PDE1A: variants seen among roughly 807,000 people sequenced by gnomAD.
The protein encoded by PDE1A is phosphodiesterase 1A, also known as dual specificity calcium/calmodulin-dependent 3',5'-cyclic nucleotide phosphodiesterase 1A.
A neutral mutation model predicts 61.7 loss-of-function variants in PDE1A; 35 were observed. That is an observed-to-expected ratio of 0.57 (90% CI 0.43 to 0.75). The LOEUF is 0.75. Ranked by LOEUF, PDE1A falls within the 30% of genes least tolerant of loss-of-function variation. PDE1A has a pLI of 0.00. For missense variants in PDE1A, 597 were observed against 630.6 expected (o/e 0.95, Z 0.57); for synonymous variants, 232 against 213.2 (o/e 1.09, Z -0.77).
At chr2:182,206,866 A>G (rs936405724) in intron 7 of PDE1A, among the ~76,000 whole-genome samples, 1 of 152,114 alleles carries the variant, frequency 6.6e-6, no homozygotes, top group African/African-American at 2.4e-5. Context: ...TCCTGCCACC[A>G]TGTGAAGATG....
chr2:182,218,668 C>G (rs139599517), intron 7 of PDE1A, among the ~76,000 whole-genome samples: 35 of 152,036 alleles, frequency 2.3e-4, no homozygotes, highest in Non-Finnish European at 4.7e-4. Flanking sequence ...ATATCATAAA[C>G]GTGGGTTGGA....
At chr2:182,529,165 T>C in the PDE1A span, among the ~76,000 whole-genome samples, 3 of 152,148 alleles carry the variant, frequency 2.0e-5, no homozygotes, top group East Asian at 5.8e-4. Flanking sequence ...TCAATGCCAG[T>C]GCATGAAAGC....
chr2:182,714,614 G>A, the PDE1A span, among the ~76,000 whole-genome samples: 1 of 151,742 alleles, frequency 6.6e-6, no homozygotes, highest in African/African-American at 2.4e-5. Flanking sequence ...ACCCAGGCTG[G>A]TGTGCAGTGG....
chr2:182,210,233 T>A (rs1468589611), intron 7 of PDE1A, among the ~76,000 whole-genome samples: 1 of 152,238 alleles, frequency 6.6e-6, no homozygotes, highest in Non-Finnish European at 1.5e-5. Context: ...TCTTCCAAAA[T>A]GGCTATACCA....
chr2:182,566,743 T>C, the PDE1A span, among the ~76,000 whole-genome samples: 1 of 152,236 alleles, frequency 6.6e-6, no homozygotes, highest in African/African-American at 2.4e-5. Context: ...CCAAGTTTTC[T>C]TTCCTTCCTT....
At chr2:182,506,584 T>C (rs955746578) in intron 2 of PDE1A, among the ~76,000 whole-genome samples, 2 of 152,262 alleles carry the variant, frequency 1.3e-5, no homozygotes, top group Non-Finnish European at 2.9e-5. Context: ...TCAGAGCTTA[T>C]GAATGTAAAA....
Position 182,508,779 on chromosome 2 carries a change from TTTTTA to T in PDE1A, c.101+13492_101+13496del, listed in dbSNP as rs543731232. On this transcript the variant is annotated intron_variant, in intron 2 of 14. Transcript: ENST00000410103. ...TTTATTTTTTAAAGCTTGTTGATTA[TTTTTA>T]TTTTATTTTATTTTATTTTATTTTT... Among the ~76,000 whole-genome samples the T allele has an allele frequency of 1.3e-3, 190 of 149,174 alleles. 1 individual carries two copies. The highest frequency in any genetic ancestry group is 6.3e-3 in the Admixed American group (95 of 15,084).
In PDE1A at chr2:182,502,332, GTT is replaced by G. The variant is rs554148104; in HGVS notation, c.101+19942_101+19943del. 1.7e-4 allele frequency among the ~76,000 whole-genome samples: 26 copies of G among 151,820 alleles called. No individual in the cohort carries two copies. The South Asian group carries it at 3.1e-3, about 18-fold the overall frequency. On this transcript the variant is annotated intron_variant, in intron 2 of 14. Transcript: ENST00000410103. ...CTCTTTCGTGTGTGTGTGTGTGTGT[GTT>G]TGTGTGTGTGTCTGTGTGTCTGTGT...
At chr2:182,408,209 A>G (rs1277219477) in intron 1 of PDE1A, among the ~76,000 whole-genome samples, 1 of 147,506 alleles carries the variant, frequency 6.8e-6, no homozygotes, top group African/African-American at 2.5e-5. Flanking sequence ...AGCAGTGGCT[A>G]CCTAAATCCC....
intron 2 of PDE1A, among the ~76,000 whole-genome samples, chr2:182,480,994 G>A (rs1574762488): frequency 6.6e-6 from 1 of 151,832 alleles, no homozygotes; most frequent in South Asian, 2.1e-4. Context: ...GGGAAGGAAG[G>A]TGGGACAAAA....
chr2:182,208,548 A>G (rs1046165627), intron 7 of PDE1A, among the ~76,000 whole-genome samples: 1 of 152,146 alleles, frequency 6.6e-6, no homozygotes, highest in Non-Finnish European at 1.5e-5. Context: ...CATATCAGCC[A>G]CTGTCTTTCA....
chr2:182,637,322 G>T, the PDE1A span, among the ~76,000 whole-genome samples: 206 of 152,260 alleles, frequency 1.4e-3, 1 homozygote, highest in Non-Finnish European at 2.5e-3. Flanking sequence ...CCCTTTGGCA[G>T]ACTGAAAATC....
At chr2:182,448,063 T>C (rs910658553) in intron 2 of PDE1A, among the ~76,000 whole-genome samples, 1 of 151,602 alleles carries the variant, frequency 6.6e-6, no homozygotes, top group Non-Finnish European at 1.5e-5. Context: ...AGTCATGCCT[T>C]ATGATGACAA....
At chr2:182,576,809 G>T in the PDE1A span, among the ~76,000 whole-genome samples, 3 of 152,108 alleles carry the variant, frequency 2.0e-5, no homozygotes, top group Non-Finnish European at 2.9e-5. Flanking sequence ...ATAGAAGATG[G>T]TATCAGTGGT....
the PDE1A span, among the ~76,000 whole-genome samples, chr2:182,590,104 T>C: frequency 2.0e-5 from 3 of 151,626 alleles, no homozygotes; most frequent in Non-Finnish European, 3.0e-5. Context: ...CTAGATTCTT[T>C]AGTAAGTAGT....
intron 1 of PDE1A, among the ~76,000 whole-genome samples, chr2:182,296,414 CTGAGTA>C (rs1170603356): frequency 6.6e-6 from 1 of 152,106 alleles, no homozygotes; most frequent in African/African-American, 2.4e-5. Flanking sequence ...ATTTGGATGT[CTGAGTA>C]TATGTGGCTA....
At chr2:182,234,583 CT>C in intron 3 of PDE1A, 85 bp from the exon 4 acceptor site, 1 of 862,384 alleles carries the variant, frequency 1.2e-6, no homozygotes, top group Non-Finnish European at 1.9e-6. Context: ...GAAAAGATTA[CT>C]TTTGACATGT....
At chr2:182,514,059 G>C (rs748838385) in intron 2 of PDE1A, among the ~76,000 whole-genome samples, 2 of 152,014 alleles carry the variant, frequency 1.3e-5, no homozygotes, top group African/African-American at 4.8e-5. Context: ...AGCCAAATCA[G>C]GGACGCAATC....
At chr2:182,240,875 G>T (rs1465938257) in intron 2 of PDE1A, among the ~76,000 whole-genome samples, 3 of 151,896 alleles carry the variant, frequency 2.0e-5, no homozygotes, top group African/African-American at 7.3e-5. Context: ...TTCTATCAAT[G>T]TCACAGATTT....
Sources: gnomAD v4.1 joint callset for allele counts (sites outside exome capture counted in the v4.1 genomes callset) on GRCh38, gnomAD v4.1.1 for gene constraint, MANE v1.5 for transcripts, NCBI Gene and HGNC (gene_info 2026-07-23, HGNC 2026-07-21) for gene names.